Variants in ATL2 observed in about 807,000 individuals in gnomAD.
ATL2 encodes the protein atlastin-2.
In ATL2, 31 loss-of-function variants were observed where a neutral mutation model predicts 73.9. That is an observed-to-expected ratio of 0.42 (90% CI 0.32 to 0.57). The LOEUF is 0.57. Among genes scored for constraint, ATL2 ranks in the 20% least tolerant of loss-of-function variants. ATL2 has a pLI of 0.14. For synonymous variants in ATL2, 291 were observed against 237.5 expected (o/e 1.23, Z -2.07); for missense variants, 738 against 702.6 (o/e 1.05, Z -0.57).
At chr2:38,346,904 C>T (rs1670047982) in intron 1 of ATL2, among the ~76,000 whole-genome samples, 1 of 152,174 alleles carries the variant, frequency 6.6e-6, no homozygotes, top group South Asian at 2.1e-4. Context: ...CTTTAATATT[C>T]CTCTGCCTAG....
intron 2 of ATL2, among the ~76,000 whole-genome samples, chr2:38,336,894 G>A (rs900709017): frequency 3.3e-5 from 5 of 152,120 alleles, no homozygotes; most frequent in African/African-American, 4.8e-5. Flanking sequence ...GGAAGAATAC[G>A]TCATCATCTA....
chr2:38,349,681 A>C (rs977855688), intron 1 of ATL2, among the ~76,000 whole-genome samples: 1 of 147,980 alleles, frequency 6.8e-6, no homozygotes, highest in African/African-American at 2.7e-5. Context: ...ATAATAAAAA[A>C]TAAATAAAAT....
In ATL2 at chr2:38,364,396, T is replaced by A. The variant is rs555201761; in HGVS notation, c.118+12747A>T. On this transcript the variant is annotated intron_variant, in intron 1 of 12. Transcript: ENST00000378954. The stretch of plus-strand genomic sequence containing the variant: ...CTGTGTTGCAGAGATAAACTCAAAG[T>A]GATGAGTAAGAAGTGTAATGCGCAA... Among the ~76,000 whole-genome samples, 28 of 152,188 alleles carry A rather than the reference T, an allele frequency of 1.8e-4. No individual in the cohort carries two copies. The South Asian group carries it at 5.6e-3, about 30-fold the overall frequency.
At chr2:38,312,631 C>T (rs1365442669) in intron 7 of ATL2, among the ~76,000 whole-genome samples, 3 of 151,654 alleles carry the variant, frequency 2.0e-5, no homozygotes, top group East Asian at 1.9e-4. Flanking sequence ...ATCGCTTGAA[C>T]CCGGGAAGCG....
At chr2:38,298,721 C>G in intron 11 of ATL2, 146 bp from the exon 12 acceptor site, 3 of 810,674 alleles carry the variant, frequency 3.7e-6, no homozygotes, top group Non-Finnish European at 5.8e-6. Context: ...CACAGGTTAT[C>G]ATAATCTAGT....
At chr2:38,343,604 T>A (rs771505682) in intron 1 of ATL2, 92 bp from the exon 2 acceptor site, 78 of 1,131,754 alleles carry the variant, frequency 6.9e-5, no homozygotes, top group African/African-American at 1.7e-4. Flanking sequence ...TTCAAGTAAG[T>A]AATTGCCCCC....
chr2:38,334,248 T>C (rs181892613), intron 2 of ATL2, among the ~76,000 whole-genome samples: 105 of 151,182 alleles, frequency 6.9e-4, no homozygotes, highest in African/African-American at 2.5e-3. Context: ...CAGGCCGGTC[T>C]TGAACTCCTG....
rs1335545667 is a variant in ATL2, at chr2:38,294,899, C to G, written c.*1095G>C. ...CACAAGTTTCATTTTATATATACAA[C>G]AAATTTTTAATTATGTACTGAAAAT... On this transcript the variant is annotated 3_prime_UTR_variant, in exon 13 of 13. Transcript: ENST00000378954. 1 of 146,480 alleles carries G rather than the reference C, an allele frequency of 6.8e-6. No homozygotes were observed. The highest frequency in any genetic ancestry group is 1.5e-5 in the Non-Finnish European group (1 of 67,074). The allele number at this position is 146,480 out of a possible 1,614,324, so 9.1% of individuals were successfully genotyped here.
rs1016048514 is a variant in ATL2 at position 38,355,308 on chromosome 2, G to A, written c.119-11796C>T. On this transcript the variant is annotated intron_variant, in intron 1 of 12. Coordinates refer to ENST00000378954, the MANE Select transcript of ATL2 (RefSeq NM_001135673.4). ...TGCCCAGCTAACTTCTGTATTTTTA[G>A]TAGAGACAGGGTTTCATCACATTGG... is the stretch of plus-strand genomic sequence containing the variant. 4.6e-5 allele frequency among the ~76,000 whole-genome samples: 7 copies of A among 152,074 alleles called. No individual in the cohort carries two copies. The East Asian group carries it at 1.2e-3, about 25-fold the overall frequency.
chr2:38,345,103 C>T (rs1006253047), intron 1 of ATL2, among the ~76,000 whole-genome samples: 2 of 152,142 alleles, frequency 1.3e-5, no homozygotes, highest in African/African-American at 4.8e-5. Flanking sequence ...CTTGATCCCA[C>T]GTAGCAACTA....
chr2:38,357,261 G>C (rs1458359931), intron 1 of ATL2, among the ~76,000 whole-genome samples: 1 of 152,118 alleles, frequency 6.6e-6, no homozygotes, highest in Non-Finnish European at 1.5e-5. Flanking sequence ...CCAGGAGGCA[G>C]AGGTTGCAGA....
chr2:38,351,699 A>T (rs1670356602), intron 1 of ATL2, among the ~76,000 whole-genome samples: 1 of 151,900 alleles, frequency 6.6e-6, no homozygotes, highest in Non-Finnish European at 1.5e-5. Context: ...TTTCACCTTG[A>T]TCAGGCTGGT....
At chr2:38,316,938 G>C (rs141320705) in intron 4 of ATL2, among the ~76,000 whole-genome samples, 46 of 152,246 alleles carry the variant, frequency 3.0e-4, no homozygotes, top group African/African-American at 9.9e-4. Flanking sequence ...GAGAAAAAAA[G>C]AGACTTAGAG....
chr2:38,310,653 T>A (rs1272436008), intron 7 of ATL2, among the ~76,000 whole-genome samples: 1 of 136,578 alleles, frequency 7.3e-6, no homozygotes, highest in Admixed American at 7.1e-5. Flanking sequence ...TTTTTTTTTT[T>A]AAAGACAGAG....
At chr2:38,299,778 A>G (rs545742217) in intron 10 of ATL2, among the ~76,000 whole-genome samples, 14 of 152,330 alleles carry the variant, frequency 9.2e-5, no homozygotes, top group Admixed American at 4.6e-4. Flanking sequence ...AAAATAGCCT[A>G]AAGTAGTAAA....
chr2:38,331,406 A>G (rs1042510258), intron 2 of ATL2, among the ~76,000 whole-genome samples: 1 of 146,774 alleles, frequency 6.8e-6, no homozygotes, highest in Non-Finnish European at 1.5e-5. Context: ...ACTGCACTCC[A>G]GCCTAGCAAC....
At chr2:38,354,049 C>T (rs1365002973) in intron 1 of ATL2, 7 of 294,856 alleles carry the variant, frequency 2.4e-5, no homozygotes, top group South Asian at 5.0e-5. Flanking sequence ...AAAAATTAGC[C>T]GGCGTGGTGG....
intron 9 of ATL2, among the ~76,000 whole-genome samples, chr2:38,306,455 C>A (rs993915767): frequency 6.6e-6 from 1 of 152,318 alleles, no homozygotes; most frequent in East Asian, 1.9e-4. Context: ...AGGCCAATAT[C>A]CCTGATGAAC....
rs62144720 is a variant in ATL2 at position 38,331,434 on chromosome 2, C to T, written c.363+11834G>A. 1.4e-4 allele frequency among the ~76,000 whole-genome samples: 10 copies of T among 71,658 alleles called. 1 individual carries two copies. The South Asian group carries it at 5.4e-3, about 39-fold the overall frequency. The allele number at this position is 71,658 out of a possible 152,430, so 47.0% of individuals were successfully genotyped here. A position where few individuals can be genotyped will look rare whatever the true frequency, so the allele number is the denominator to read the frequency against. ...CTAGCAACAGAGTGAGACTCTGTCT[C>T]AAGAAAAAAAAAAAAAAAAAAAAAA... is the stretch of plus-strand genomic sequence containing the variant. On this transcript the variant is annotated intron_variant, in intron 2 of 12. Coordinates refer to ENST00000378954, the MANE Select transcript of ATL2 (RefSeq NM_001135673.4).
Sources: gnomAD v4.1 joint callset for allele counts (sites outside exome capture counted in the v4.1 genomes callset) on GRCh38, gnomAD v4.1.1 for gene constraint, MANE v1.5 for transcripts, NCBI Gene and HGNC (gene_info 2026-07-23, HGNC 2026-07-21) for gene names.